Variants in FRMD4A observed in about 807,000 individuals in gnomAD.
FRMD4A encodes the protein FERM domain containing 4A, also known as FERM domain-containing protein 4A.
Under a neutral mutation model 129.1 loss-of-function variants are expected in FRMD4A, and 29 were observed. That is an observed-to-expected ratio of 0.22 (90% CI 0.17 to 0.31). The LOEUF (loss-of-function observed/expected upper bound fraction) is 0.31. Among genes scored for constraint, FRMD4A ranks in the 10% least tolerant of loss-of-function variants. The probability of loss-of-function intolerance (pLI) is 1.00; values close to 1 mark genes in which losing one functional copy is unlikely to be tolerated. For missense variants in FRMD4A, 1,272 were observed against 1,375.8 expected, an observed-to-expected ratio of 0.92 and a Z score of 1.19; for synonymous variants, 634 against 571.6, an observed-to-expected ratio of 1.11 and a Z score of -1.56.
At chr10:14,262,245 C>T (rs552077633) in intron 2 of FRMD4A, among the ~76,000 whole-genome samples, 1 of 152,266 alleles carries the variant, frequency 6.6e-6, no homozygotes, top group Admixed American at 6.5e-5. Flanking sequence ...TTTCCATTAC[C>T]TACTTAGCCC....
chr10:14,043,249 AT>A (rs1005226447), intron 2 of FRMD4A, among the ~76,000 whole-genome samples: 3 of 152,124 alleles, frequency 2.0e-5, no homozygotes, highest in African/African-American at 7.2e-5. Flanking sequence ...TTTCTGAGGG[AT>A]TTTTTTATGA....
chr10:14,044,865 T>A (rs546237474), intron 2 of FRMD4A, among the ~76,000 whole-genome samples: 37 of 152,324 alleles, frequency 2.4e-4, no homozygotes, highest in Non-Finnish European at 3.7e-4. Flanking sequence ...CTATCTCTCG[T>A]CTACCAGATT....
At chr10:13,723,114 C>G (rs1588429940) in intron 12 of FRMD4A, among the ~76,000 whole-genome samples, 1 of 145,906 alleles carries the variant, frequency 6.9e-6, no homozygotes, top group Non-Finnish European at 1.5e-5. Flanking sequence ...TAGCTAGGTC[C>G]CCATGCTAGT....
chr10:14,044,840 A>C (rs1833920630), intron 2 of FRMD4A, among the ~76,000 whole-genome samples: 2 of 152,218 alleles, frequency 1.3e-5, no homozygotes, highest in Admixed American at 6.5e-5. Flanking sequence ...TGCTCTGCTG[A>C]AGAATATCCA....
intron 13 of FRMD4A, among the ~76,000 whole-genome samples, chr10:13,703,954 G>C (rs1471095097): frequency 6.6e-6 from 1 of 152,114 alleles, no homozygotes. Flanking sequence ...GCAGTGAGCC[G>C]AGATGGCGCC....
chr10:14,227,243 C>CTTTTTTTTTTTTTTTTTTTTT (rs10674411), intron 2 of FRMD4A, among the ~76,000 whole-genome samples: 1 of 64,130 alleles, frequency 1.6e-5, no homozygotes, highest in African/African-American at 6.2e-5. Flanking sequence ...TCTTCTTCTT[C>CTTTTTTTTTTTTTTTTTTTTT]TTTTTTTTTT....
At chr10:14,294,294 T>C (rs142307651) in intron 2 of FRMD4A, among the ~76,000 whole-genome samples, 1 of 152,320 alleles carries the variant, frequency 6.6e-6, no homozygotes, top group African/African-American at 2.4e-5. Flanking sequence ...CTTTAAACCA[T>C]TGTGATGTTA....
chr10:13,796,799 C>A (rs1588768925), intron 4 of FRMD4A, among the ~76,000 whole-genome samples: 1 of 152,152 alleles, frequency 6.6e-6, no homozygotes, highest in South Asian at 2.1e-4. Context: ...TGGCTCACTG[C>A]ATCCTCTGCC....
intron 2 of FRMD4A, among the ~76,000 whole-genome samples, chr10:14,116,358 T>A (rs938556368): frequency 6.6e-6 from 1 of 152,236 alleles, no homozygotes; most frequent in Non-Finnish European, 1.5e-5. Context: ...GGTTTTTGCA[T>A]GTTCATTCCT....
intron 2 of FRMD4A, among the ~76,000 whole-genome samples, chr10:13,873,613 C>G (rs1437582253): frequency 6.6e-6 from 1 of 152,188 alleles, no homozygotes; most frequent in Non-Finnish European, 1.5e-5. Context: ...ATGGTACGAT[C>G]TCAGCTCACT....
At chr10:14,057,573 C>T (rs76586314) in intron 2 of FRMD4A, among the ~76,000 whole-genome samples, 1 of 90,004 alleles carries the variant, frequency 1.1e-5, no homozygotes, top group Non-Finnish European at 2.6e-5. Context: ...AATTTATAAT[C>T]TTTTTTTTTT....
At chr10:13,925,734 C>A (rs1007187551) in intron 2 of FRMD4A, among the ~76,000 whole-genome samples, 2 of 151,468 alleles carry the variant, frequency 1.3e-5, no homozygotes, top group Non-Finnish European at 2.9e-5. Flanking sequence ...CAGGCACGCA[C>A]CACCACGCCT....
intron 2 of FRMD4A, among the ~76,000 whole-genome samples, chr10:14,291,525 A>C (rs1217259760): frequency 2.6e-5 from 4 of 152,194 alleles, no homozygotes; most frequent in Admixed American, 2.6e-4. Context: ...AATTTACCTC[A>C]TTAACAGCTT....
At chr10:14,141,919 C>A (rs1471431223) in intron 2 of FRMD4A, among the ~76,000 whole-genome samples, 1 of 152,058 alleles carries the variant, frequency 6.6e-6, no homozygotes, top group Non-Finnish European at 1.5e-5. Context: ...TGACTGAATT[C>A]AATAAAGGTC....
intron 12 of FRMD4A, among the ~76,000 whole-genome samples, chr10:13,732,715 A>T (rs530801104): frequency 6.6e-6 from 1 of 152,310 alleles, no homozygotes; most frequent in Admixed American, 6.5e-5. Flanking sequence ...GAGATGTGCC[A>T]AGCACCAGAG....
chr10:14,269,613 G>A (rs1023763099), intron 2 of FRMD4A, among the ~76,000 whole-genome samples: 2 of 152,038 alleles, frequency 1.3e-5, no homozygotes, highest in African/African-American at 4.8e-5. Context: ...TGCGTCTAAG[G>A]GATGCCATGC....
intron 2 of FRMD4A, among the ~76,000 whole-genome samples, chr10:14,039,480 A>ATCTG (rs1422323122): frequency 6.7e-6 from 1 of 149,220 alleles, no homozygotes; most frequent in African/African-American, 2.5e-5. Flanking sequence ...CTATCTATCT[A>ATCTG]TCTATCTATC....
At chr10:13,982,473 G>T (rs1046402972) in intron 2 of FRMD4A, among the ~76,000 whole-genome samples, 1 of 141,496 alleles carries the variant, frequency 7.1e-6, no homozygotes, top group African/African-American at 2.7e-5. Flanking sequence ...GGGAAGGGGA[G>T]GGGAGGGGAG....
intron 2 of FRMD4A, among the ~76,000 whole-genome samples, chr10:13,958,640 C>A (rs1175528862): frequency 1.3e-5 from 2 of 149,474 alleles, no homozygotes; most frequent in Non-Finnish European, 3.0e-5. Flanking sequence ...GGCTGGAGTG[C>A]AATGGCATGA....
Sources: allele counts gnomAD v4.1 joint callset (sites outside exome capture counted in the v4.1 genomes callset), GRCh38; gene constraint gnomAD v4.1.1; transcripts MANE v1.5; gene names NCBI Gene and HGNC (gene_info 2026-07-23, HGNC 2026-07-21).